CCSER1: variants seen among roughly 807,000 people sequenced by gnomAD.
CCSER1 encodes the protein serine-rich coiled-coil domain-containing protein 1.
Under a neutral mutation model 82.0 loss-of-function variants are expected in CCSER1, and 41 were observed. That is an observed-to-expected ratio of 0.50 (90% CI 0.39 to 0.65). The LOEUF (loss-of-function observed/expected upper bound fraction) is 0.65, where lower values mean the gene tolerates loss of function less well. Ranked by LOEUF, CCSER1 falls within the 30% of genes least tolerant of loss-of-function variation. The pLI is 0.00. For synonymous variants in CCSER1, 414 were observed against 383.9 expected, an observed-to-expected ratio of 1.08 and a Z score of -0.92; for missense variants, 1,119 against 1,064.2, an observed-to-expected ratio of 1.05 and a Z score of -0.72.
chr4:91,458,563 A>T (rs1383850520), intron 10 of CCSER1, among the ~76,000 whole-genome samples: 3 of 152,056 alleles, frequency 2.0e-5, no homozygotes, highest in South Asian at 2.1e-4. Context: ...GAAGAATGTC[A>T]TTGGTATTTT....
chr4:91,375,319 A>C (rs190348123), intron 10 of CCSER1, among the ~76,000 whole-genome samples: 1 of 152,220 alleles, frequency 6.6e-6, no homozygotes, highest in Non-Finnish European at 1.5e-5. Context: ...TGATGGCACG[A>C]AACATTGTTA....
At chr4:91,510,169 T>C (rs764796499) in intron 10 of CCSER1, among the ~76,000 whole-genome samples, 1 of 152,210 alleles carries the variant, frequency 6.6e-6, no homozygotes, top group Non-Finnish European at 1.5e-5. Flanking sequence ...GCATCCATGT[T>C]GCTGCAAAGG....
chr4:90,719,060 T>G (rs1742201944), intron 6 of CCSER1, among the ~76,000 whole-genome samples: 1 of 152,080 alleles, frequency 6.6e-6, no homozygotes. Context: ...CACGGACCAC[T>G]GGTCCGTGGC....
intron 1 of CCSER1, among the ~76,000 whole-genome samples, chr4:90,169,258 C>G (rs2078389034): frequency 6.6e-6 from 1 of 152,078 alleles, no homozygotes; most frequent in African/African-American, 2.4e-5. Context: ...GGAGTTCACT[C>G]ATGATTTGGC....
At chr4:91,446,483 T>G (rs896162866) in intron 10 of CCSER1, among the ~76,000 whole-genome samples, 2 of 151,766 alleles carry the variant, frequency 1.3e-5, no homozygotes, top group Non-Finnish European at 2.9e-5. Flanking sequence ...ATGGAAACTT[T>G]CAAAATTCAA....
intron 5 of CCSER1, among the ~76,000 whole-genome samples, chr4:90,585,647 T>G (rs1397085891): frequency 6.6e-6 from 1 of 152,310 alleles, no homozygotes; most frequent in East Asian, 1.9e-4. Context: ...TGTTACTAGG[T>G]TGAATGACTT....
intron 9 of CCSER1, among the ~76,000 whole-genome samples, chr4:91,077,370 TAAATA>T (rs1722112955): frequency 1.3e-5 from 2 of 152,072 alleles, no homozygotes; most frequent in Admixed American, 6.6e-5. Context: ...AATGTAACAC[TAAATA>T]AAATAAAATT....
At chr4:91,259,428 T>C (rs1740933834) in intron 10 of CCSER1, among the ~76,000 whole-genome samples, 1 of 152,042 alleles carries the variant, frequency 6.6e-6, no homozygotes, top group Non-Finnish European at 1.5e-5. Flanking sequence ...CATACAAACA[T>C]GAACAAGACC....
chr4:90,641,452 T>C (rs1209697883), intron 6 of CCSER1, among the ~76,000 whole-genome samples: 1 of 152,190 alleles, frequency 6.6e-6, no homozygotes, highest in African/African-American at 2.4e-5. Flanking sequence ...ATATATTTTC[T>C]TACATTTTTT....
intron 6 of CCSER1, among the ~76,000 whole-genome samples, chr4:90,704,746 T>C (rs1373368945): frequency 1.3e-5 from 2 of 152,250 alleles, no homozygotes; most frequent in African/African-American, 2.4e-5. Context: ...ACTGATACCA[T>C]TTCTTCCAGT....
intron 10 of CCSER1, among the ~76,000 whole-genome samples, chr4:91,430,949 T>C (rs1754262406): frequency 6.6e-6 from 1 of 152,186 alleles, no homozygotes; most frequent in African/African-American, 2.4e-5. Context: ...AAAATTTGGC[T>C]AGCTTGGCCG....
At chr4:91,003,159 G>A (rs1040322920) in intron 9 of CCSER1, among the ~76,000 whole-genome samples, 3 of 152,198 alleles carry the variant, frequency 2.0e-5, no homozygotes, top group Admixed American at 6.5e-5. Context: ...TGGCAGGGGG[G>A]TGAAATGGAC....
At chr4:91,082,416 G>T (rs1388892857) in intron 9 of CCSER1, among the ~76,000 whole-genome samples, 1 of 152,060 alleles carries the variant, frequency 6.6e-6, no homozygotes, top group East Asian at 1.9e-4. Context: ...AATTCAAGAT[G>T]GATTAAAGAC....
At chr4:91,315,485 A>G (rs1745770654) in intron 10 of CCSER1, among the ~76,000 whole-genome samples, 2 of 151,998 alleles carry the variant, frequency 1.3e-5, no homozygotes, top group African/African-American at 2.4e-5. Context: ...TATAAAATGA[A>G]AAATCACTGA....
chr4:91,150,177 C>T (rs552044394), intron 10 of CCSER1, among the ~76,000 whole-genome samples: 2 of 152,232 alleles, frequency 1.3e-5, no homozygotes, highest in Non-Finnish European at 2.9e-5. Context: ...TGTAATTCTC[C>T]TTGAAGAAGT....
chr4:91,050,384 T>G (rs1446566248), intron 9 of CCSER1, among the ~76,000 whole-genome samples: 1 of 151,132 alleles, frequency 6.6e-6, no homozygotes, highest in East Asian at 2.0e-4. Context: ...TGAGCAGAGA[T>G]TGCGCCACTG....
chr4:91,165,681 C>T (rs1020237662), intron 10 of CCSER1, among the ~76,000 whole-genome samples: 1 of 152,228 alleles, frequency 6.6e-6, no homozygotes, highest in Non-Finnish European at 1.5e-5. Context: ...GCAAGTCAAT[C>T]TCAGACTGCT....
At position 90,959,007 on chromosome 4, in the gene CCSER1, AG is replaced by A. The variant is rs1268250192; in HGVS notation, c.2172+35562del. 2.6e-5 allele frequency among the ~76,000 whole-genome samples: 4 copies of A among 152,346 alleles called. No homozygotes were observed. In the East Asian group the frequency reaches 7.7e-4, roughly 29 times the overall value. On this transcript the variant is annotated intron_variant, in intron 9 of 10. Transcript: ENST00000509176. ...AAAGATTTTATATAACAAAGTAATT[AG>A]GTTACCAGTAACACGTTAAAATCAT...
intron 10 of CCSER1, among the ~76,000 whole-genome samples, chr4:91,583,665 T>A (rs976533571): frequency 1.3e-5 from 2 of 151,534 alleles, no homozygotes; most frequent in Non-Finnish European, 3.0e-5. Context: ...TTTTTCATGA[T>A]GTCTTGCCTT....
Sources: allele counts gnomAD v4.1 joint callset (sites outside exome capture counted in the v4.1 genomes callset), GRCh38; gene constraint gnomAD v4.1.1; transcripts MANE v1.5; gene names NCBI Gene and HGNC (gene_info 2026-07-23, HGNC 2026-07-21).